Variants in DLG2 observed in about 807,000 individuals in gnomAD.
DLG2 encodes disks large homolog 2.
DLG2 carries 45 observed loss-of-function variants against 132.5 expected under a neutral mutation model. The observed-to-expected ratio is 0.34, with a 90% confidence interval of 0.27 to 0.44. The LOEUF (loss-of-function observed/expected upper bound fraction) is 0.44. Among genes scored for constraint, DLG2 ranks in the 20% least tolerant of loss-of-function variants. DLG2 has a pLI of 1.00. For synonymous variants in DLG2, 424 were observed against 419.6 expected (o/e 1.01, Z -0.13); for missense variants, 1,045 against 1,196.9 (o/e 0.87, Z 1.87).
chr11:84,087,214 G>C (rs1167975207), intron 10 of DLG2, among the ~76,000 whole-genome samples: 1 of 152,156 alleles, frequency 6.6e-6, no homozygotes, highest in Non-Finnish European at 1.5e-5. Flanking sequence ...ATTTTTAGCT[G>C]TTAGATGGAC....
intron 5 of DLG2, among the ~76,000 whole-genome samples, chr11:85,152,124 T>C (rs190431188): frequency 6.6e-6 from 1 of 152,142 alleles, no homozygotes; most frequent in Non-Finnish European, 1.5e-5. Flanking sequence ...AGTATAAATA[T>C]ACACTATAGC....
At chr11:84,528,959 C>A (rs1192988283) in intron 7 of DLG2, among the ~76,000 whole-genome samples, 2 of 152,184 alleles carry the variant, frequency 1.3e-5, no homozygotes, top group Non-Finnish European at 2.9e-5. Context: ...GCCTCATGTG[C>A]CTCCATTTCC....
chr11:83,929,875 T>C (rs953408175), intron 15 of DLG2, among the ~76,000 whole-genome samples: 1 of 152,220 alleles, frequency 6.6e-6, no homozygotes, highest in Non-Finnish European at 1.5e-5. Context: ...GATATTAATC[T>C]AATATTTTAG....
At chr11:83,619,427 G>A (rs1290713913) in intron 19 of DLG2, among the ~76,000 whole-genome samples, 1 of 152,254 alleles carries the variant, frequency 6.6e-6, no homozygotes, top group African/African-American at 2.4e-5. Context: ...GTTAAGAGCC[G>A]GTATTTGGCA....
intron 3 of DLG2, among the ~76,000 whole-genome samples, chr11:85,562,063 A>G (rs1049918285): frequency 2.4e-4 from 36 of 151,858 alleles, no homozygotes; most frequent in African/African-American, 7.7e-4. Context: ...TCTAACTTTC[A>G]AAAAAGCAAT....
chr11:84,429,092 T>G (rs1241427295), intron 7 of DLG2, among the ~76,000 whole-genome samples: 1 of 152,244 alleles, frequency 6.6e-6, no homozygotes, highest in Non-Finnish European at 1.5e-5. Flanking sequence ...TGAGCATTTT[T>G]CATCTTGCTC....
At chr11:84,356,695 A>C (rs1413124441) in intron 7 of DLG2, among the ~76,000 whole-genome samples, 1 of 152,112 alleles carries the variant, frequency 6.6e-6, no homozygotes, top group African/African-American at 2.4e-5. Context: ...ATGTTTTCTT[A>C]TTCTAATTAT....
At chr11:85,502,891 T>A (rs372986695) in intron 3 of DLG2, among the ~76,000 whole-genome samples, 2 of 152,112 alleles carry the variant, frequency 1.3e-5, no homozygotes, top group South Asian at 4.1e-4. Flanking sequence ...CATAGCAGCA[T>A]TGATTTTAAT....
chr11:85,526,555 G>A (rs2074763992), intron 3 of DLG2, among the ~76,000 whole-genome samples: 1 of 152,138 alleles, frequency 6.6e-6, no homozygotes, highest in South Asian at 2.1e-4. Context: ...GAAGAAAAAT[G>A]ACACCATATG....
At chr11:83,662,714 C>G (rs2074608453) in intron 18 of DLG2, among the ~76,000 whole-genome samples, 1 of 152,200 alleles carries the variant, frequency 6.6e-6, no homozygotes, top group Non-Finnish European at 1.5e-5. Flanking sequence ...CACCACCATG[C>G]TTCCCACTGT....
intron 27 of DLG2, among the ~76,000 whole-genome samples, chr11:83,460,653 A>T (rs2089723954): frequency 6.6e-6 from 1 of 152,244 alleles, no homozygotes; most frequent in African/African-American, 2.4e-5. Flanking sequence ...ATCTTGTAGA[A>T]AGATTTCCAA....
At chr11:85,225,400 C>A (rs1413273126) in intron 4 of DLG2, among the ~76,000 whole-genome samples, 1 of 152,074 alleles carries the variant, frequency 6.6e-6, no homozygotes, top group Non-Finnish European at 1.5e-5. Context: ...TCATAAACCA[C>A]AAACTTCCCG....
intron 6 of DLG2, among the ~76,000 whole-genome samples, chr11:84,625,102 C>T (rs978932586): frequency 3.3e-5 from 5 of 151,548 alleles, no homozygotes; most frequent in African/African-American, 9.7e-5. Flanking sequence ...CCTCGTGATC[C>T]GCCCGCCTCG....
rs891177669 is a variant in DLG2 at position 84,704,875 on chromosome 11, ATATATATACACATTATG to A, written c.358-170161_358-170145del. Among the ~76,000 whole-genome samples, 22 of 149,692 alleles carry A rather than the reference ATATATATACACATTATG, an allele frequency of 1.5e-4. No homozygotes were observed. In the East Asian group the frequency reaches 2.8e-3, roughly 19 times the overall value. ...TATATATATATACACACACACACAC[ATATATATACACATTATG>A]TATATATACACATATATATACATTA... On this transcript the variant is annotated intron_variant, in intron 6 of 27. Coordinates refer to ENST00000376104, the MANE Select transcript of DLG2 (RefSeq NM_001142699.3).
intron 6 of DLG2, among the ~76,000 whole-genome samples, chr11:84,737,352 T>C (rs190124133): frequency 3.3e-5 from 5 of 152,028 alleles, no homozygotes; most frequent in Admixed American, 6.6e-5. Context: ...CAAGGCAATA[T>C]AGGCCTCATG....
At chr11:85,016,417 G>C (rs2059582343) in intron 6 of DLG2, among the ~76,000 whole-genome samples, 1 of 151,902 alleles carries the variant, frequency 6.6e-6, no homozygotes, top group Non-Finnish European at 1.5e-5. Flanking sequence ...TCAGTTTACT[G>C]GTCCTTTATC....
chr11:84,365,576 C>T (rs1159636048), intron 7 of DLG2, among the ~76,000 whole-genome samples: 2 of 151,770 alleles, frequency 1.3e-5, no homozygotes, highest in African/African-American at 4.8e-5. Flanking sequence ...TTTGCTCTTG[C>T]TTTTCTAGTT....
At chr11:84,396,358 T>G (rs2098810964) in intron 7 of DLG2, among the ~76,000 whole-genome samples, 2 of 152,182 alleles carry the variant, frequency 1.3e-5, no homozygotes, top group South Asian at 4.1e-4. Context: ...TAACCATATC[T>G]TCAGAGGAAG....
rs184695619 is a variant in DLG2, at chr11:83,787,012, G to A, written c.1723-220C>T. ...GTGGTGTTTGTGCCATGGTCTGACC[G>A]GGTTGGAAACATTTTTATCTATTCA... On this transcript the variant is annotated intron_variant, in intron 17 of 27. Coordinates refer to ENST00000376104, the MANE Select transcript of DLG2 (RefSeq NM_001142699.3). 1.2e-4 allele frequency among the ~76,000 whole-genome samples: 19 copies of A among 152,178 alleles called. No homozygotes were observed. In the East Asian group the frequency reaches 1.7e-3, roughly 14 times the overall value.
Sources: gnomAD v4.1 joint callset for allele counts (sites outside exome capture counted in the v4.1 genomes callset) on GRCh38, gnomAD v4.1.1 for gene constraint, MANE v1.5 for transcripts, NCBI Gene and HGNC (gene_info 2026-07-23, HGNC 2026-07-21) for gene names.